Variants in PHF21B observed in about 807,000 individuals in gnomAD.
PHF21B encodes PHD finger protein 21B.
In PHF21B, 22 loss-of-function variants were observed where a neutral mutation model predicts 62.2. That is an observed-to-expected ratio of 0.35 (90% CI 0.25 to 0.51). The LOEUF is 0.51. Ranked by LOEUF, PHF21B falls within the 20% of genes least tolerant of loss-of-function variation. The pLI is 0.97. For missense variants in PHF21B, 701 were observed against 707.9 expected (o/e 0.99, Z 0.11); for synonymous variants, 341 against 314.7 (o/e 1.08, Z -0.88).
intron 2 of PHF21B, among the ~76,000 whole-genome samples, chr22:44,988,385 C>G (rs576221213): frequency 3.9e-5 from 6 of 152,146 alleles, no homozygotes; most frequent in Non-Finnish European, 8.8e-5. Flanking sequence ...TTGCTTGAGC[C>G]CTGGAGGTCA....
intron 2 of PHF21B, among the ~76,000 whole-genome samples, chr22:44,974,564 T>C (rs1235088384): frequency 6.6e-6 from 1 of 152,134 alleles, no homozygotes; most frequent in Admixed American, 6.5e-5. Context: ...GCAGCTTACA[T>C]TGAGTTTTAA....
At chr22:44,905,692 C>G (rs6007378) in intron 5 of PHF21B, among the ~76,000 whole-genome samples, 26,942 of 152,000 alleles carry the variant, frequency 0.18, 2,656 homozygotes, top group African/African-American at 0.26. Context: ...GCAGTGGCAC[C>G]ATCTCAGCTC....
intron 2 of PHF21B, among the ~76,000 whole-genome samples, chr22:44,997,946 C>G (rs147322646): frequency 6.6e-6 from 1 of 151,774 alleles, no homozygotes; most frequent in African/African-American, 2.4e-5. Flanking sequence ...ATGACTCTTC[C>G]GTAACAAGCC....
At chr22:44,897,604 G>T (rs983134950) in intron 5 of PHF21B, among the ~76,000 whole-genome samples, 2 of 152,076 alleles carry the variant, frequency 1.3e-5, no homozygotes, top group African/African-American at 4.8e-5. Context: ...ATATTTCCTT[G>T]TCTGGGATAT....
At chr22:45,008,320 G>A (rs2073363418) in intron 2 of PHF21B, 1 of 392,420 alleles carries the variant, frequency 2.5e-6, no homozygotes, top group Non-Finnish European at 4.5e-6. Context: ...TTTTAAGTGA[G>A]CTCCTCTCTT....
intron 5 of PHF21B, among the ~76,000 whole-genome samples, chr22:44,909,288 C>A (rs1315583114): frequency 6.6e-6 from 1 of 152,182 alleles, no homozygotes; most frequent in Non-Finnish European, 1.5e-5. Flanking sequence ...AAAGAGAATC[C>A]ACCCAGAATA....
chr22:44,921,712 G>A (rs1353970710), intron 2 of PHF21B, among the ~76,000 whole-genome samples: 1 of 151,470 alleles, frequency 6.6e-6, no homozygotes, highest in East Asian at 1.9e-4. Flanking sequence ...AGGTTGGAAT[G>A]TAGTGGCGTG....
intron 2 of PHF21B, among the ~76,000 whole-genome samples, chr22:44,967,547 T>C (rs1185865997): frequency 1.3e-5 from 2 of 152,160 alleles, no homozygotes; most frequent in African/African-American, 2.4e-5. Flanking sequence ...AAAAATAAAT[T>C]TTATTCCAGA....
chr22:44,935,724 G>T (rs2071833385), intron 2 of PHF21B, among the ~76,000 whole-genome samples: 1 of 152,208 alleles, frequency 6.6e-6, no homozygotes, highest in Non-Finnish European at 1.5e-5. Context: ...AGGGCCTTCT[G>T]CAGCTGTGAC....
At chr22:44,935,486 C>T (rs1031497657) in intron 2 of PHF21B, among the ~76,000 whole-genome samples, 13 of 152,158 alleles carry the variant, frequency 8.5e-5, no homozygotes, top group African/African-American at 2.9e-4. Context: ...TGGTGGCGGG[C>T]GCCTGTAGTC....
chr22:44,996,007 G>A (rs189419430), intron 2 of PHF21B, among the ~76,000 whole-genome samples: 38 of 152,272 alleles, frequency 2.5e-4, no homozygotes, highest in Admixed American at 2.0e-3. Context: ...CCTTCTGGCC[G>A]GGGATATGTG....
At position 44,920,385 on chromosome 22, in the gene PHF21B, G is replaced by A. The variant is rs767672934; in HGVS notation, c.213+13C>T. 2.4e-5 allele frequency: 38 copies of A among 1,599,606 alleles called. No individual in the cohort carries two copies. Among genetic ancestry groups the A allele is most frequent in the Admixed American group, 5.1e-5 (3 of 59,108 alleles). On this transcript the variant is annotated intron_variant, in intron 3 of 12. Coordinates refer to ENST00000313237, the MANE Select transcript of PHF21B (RefSeq NM_138415.5). ...CAGACGGACACCCCAGGGCCCGCCCGAGGGCTGCTTACCTGAGGTAGCACT... is the reference window on the plus strand; with the variant it reads ...CAGACGGACACCCCAGGGCCCGCCCAAGGGCTGCTTACCTGAGGTAGCACT...
At chr22:44,982,299 C>A (rs868629664) in intron 2 of PHF21B, among the ~76,000 whole-genome samples, 2 of 152,232 alleles carry the variant, frequency 1.3e-5, no homozygotes, top group Non-Finnish European at 1.5e-5. Context: ...AAAGGCTGAT[C>A]TGGGGCAGGG....
chr22:44,920,187 G>C (rs1044246636), intron 3 of PHF21B, among the ~76,000 whole-genome samples: 12 of 152,204 alleles, frequency 7.9e-5, no homozygotes, highest in Admixed American at 1.3e-4. Flanking sequence ...CCACTAAATT[G>C]ATTTCCCAAT....
intron 2 of PHF21B, chr22:44,969,206 CT>C (rs915675937): frequency 3.9e-5 from 6 of 152,362 alleles, no homozygotes; most frequent in Admixed American, 3.9e-4. Context: ...CAGGAGCTCC[CT>C]AAAAGGAGGG....
At chr22:44,937,342 G>C (rs1601618995) in intron 2 of PHF21B, among the ~76,000 whole-genome samples, 1 of 152,204 alleles carries the variant, frequency 6.6e-6, no homozygotes, top group South Asian at 2.1e-4. Context: ...GGCAGAGACG[G>C]AGACATCACA....
intron 2 of PHF21B, among the ~76,000 whole-genome samples, chr22:44,954,491 C>G (rs1027787026): frequency 6.6e-6 from 1 of 152,240 alleles, no homozygotes; most frequent in Non-Finnish European, 1.5e-5. Context: ...TCCAGCTGCT[C>G]CACCCTAGCA....
At chr22:44,885,238 G>C (rs558524769) in intron 12 of PHF21B, among the ~76,000 whole-genome samples, 188 bp downstream of exon 12, 36 of 151,426 alleles carry the variant, frequency 2.4e-4, no homozygotes, top group African/African-American at 8.7e-4. Context: ...CAGGGCTGAG[G>C]CCAGCCTGGA....
At chr22:45,004,906 A>C (rs919274604) in intron 2 of PHF21B, among the ~76,000 whole-genome samples, 1 of 152,236 alleles carries the variant, frequency 6.6e-6, no homozygotes, top group African/African-American at 2.4e-5. Context: ...ACAAGGTCCC[A>C]AGCTCACCTC....
Sources: gnomAD v4.1 joint callset for allele counts (sites outside exome capture counted in the v4.1 genomes callset) on GRCh38, gnomAD v4.1.1 for gene constraint, MANE v1.5 for transcripts, NCBI Gene and HGNC (gene_info 2026-07-23, HGNC 2026-07-21) for gene names.